The following LIPA variants were observed in gnomAD, a reference collection of about 807,000 sequenced individuals.
LIPA encodes lipase A, lysosomal acid type, also known as lysosomal acid lipase/cholesteryl ester hydrolase.
In LIPA, 26 loss-of-function variants were observed where a neutral mutation model predicts 40.6. The observed-to-expected ratio is 0.64, with a 90% CI of 0.47 to 0.89. The LOEUF is 0.89. LIPA is among the 40% of genes least tolerant of loss of function. LIPA has a pLI of 0.00. For synonymous variants in LIPA, 188 were observed against 168.4 expected (o/e 1.12, Z -0.90); for missense variants, 455 against 479.6 (o/e 0.95, Z 0.48).
intron 2 of LIPA, among the ~76,000 whole-genome samples, chr10:89,376,659 C>T (rs1844124132): frequency 6.6e-6 from 1 of 152,166 alleles, no homozygotes; most frequent in Non-Finnish European, 1.5e-5. Flanking sequence ...GAATATTTTC[C>T]AACTGGATTC....
intron 1 of LIPA, among the ~76,000 whole-genome samples, chr10:89,285,493 T>C (rs934998970): frequency 2.0e-5 from 3 of 152,222 alleles, no homozygotes; most frequent in Admixed American, 1.3e-4. Flanking sequence ...ACTGCAGAGA[T>C]GCCTGCCTGA....
chr10:89,392,438 C>G, intron 2 of LIPA: 1 of 461,406 alleles, frequency 2.2e-6, no homozygotes, highest in East Asian at 3.9e-5. Context: ...TGCAGTTTAT[C>G]TGTTTTAAAA....
In LIPA at chr10:89,329,837, T is replaced by C. The variant is rs533564131; in HGVS notation, c.-2+12774A>G. On this transcript the variant is annotated intron_variant, in intron 1 of 5. Transcript: ENST00000282673. ...GAGCAACAAGGCTGTTTATTTCACC[T>C]GGGTGCAGGTGGGCTGAGTCCGAAA... Among the ~76,000 whole-genome samples, 3 of 152,182 alleles carry C rather than the reference T, an allele frequency of 2.0e-5. No homozygotes were observed. The South Asian group carries it at 6.2e-4, about 32-fold the overall frequency.
chr10:89,321,294 G>T (rs553541811), intron 1 of LIPA, among the ~76,000 whole-genome samples: 4 of 152,194 alleles, frequency 2.6e-5, no homozygotes, highest in Non-Finnish European at 4.4e-5. Flanking sequence ...CTACAGAGTG[G>T]GAGAAAATTT....
intron 3 of LIPA, among the ~76,000 whole-genome samples, chr10:89,230,368 G>A (rs181147013): frequency 1.8e-4 from 28 of 152,236 alleles, no homozygotes; most frequent in African/African-American, 5.8e-4. Flanking sequence ...GTGCAGTGGC[G>A]TGATCTCTGC....
chr10:89,338,691 CCT>C, intron 1 of LIPA: 15 of 1,613,154 alleles, frequency 9.3e-6, no homozygotes, highest in Non-Finnish European at 1.3e-5. Context: ...TGGAGAAAAT[CCT>C]TCCACAGCTG....
intron 1 of LIPA, among the ~76,000 whole-genome samples, chr10:89,337,959 T>C (rs1433294822): frequency 2.0e-5 from 3 of 152,234 alleles, no homozygotes; most frequent in African/African-American, 7.2e-5. Flanking sequence ...TTACATGAGA[T>C]ACTCAACACT....
Position 89,215,091 on chromosome 10 carries a change from CGTT to C in LIPA, c.967-33_967-31del, listed in dbSNP as rs541918885. ...AATGAAAAGGAACCAGAGAAAGCCT[CGTT>C]GTTGTTGTTGTTTTAATTTTCAAAA... On this transcript the variant is annotated intron_variant, in intron 9 of 9. Transcript: ENST00000336233. The C allele has an allele frequency of 5.2e-4, 773 of 1,493,370 alleles. 8 individuals carry two copies. The African/African-American group carries it at 9.2e-3, about 18-fold the overall frequency. The allele number at this position is 1,493,370 out of a possible 1,614,324, so 92.5% of individuals were successfully genotyped here.
intron 3 of LIPA, among the ~76,000 whole-genome samples, chr10:89,233,646 TC>T (rs371775848): frequency 7.2e-5 from 11 of 152,314 alleles, no homozygotes; most frequent in African/African-American, 2.6e-4. Flanking sequence ...ACGCCTGTAA[TC>T]CCAGCATTTT....
chr10:89,249,307 G>A (rs1258018105), intron 1 of LIPA, among the ~76,000 whole-genome samples: 1 of 152,210 alleles, frequency 6.6e-6, no homozygotes, highest in East Asian at 1.9e-4. Flanking sequence ...TGAGGATGCT[G>A]AAGGCAAAGT....
intron 1 of LIPA, among the ~76,000 whole-genome samples, chr10:89,280,757 C>T (rs1481466325): frequency 6.6e-6 from 1 of 152,218 alleles, no homozygotes; most frequent in African/African-American, 2.4e-5. Context: ...TGCCTTCTTC[C>T]TCGTTATTAT....
chr10:89,302,032 C>A, intron 1 of LIPA: 2 of 1,484,774 alleles, frequency 1.3e-6, no homozygotes, highest in Non-Finnish European at 1.9e-6. Flanking sequence ...TAGGTCTCTT[C>A]AGCATTTATT....
At chr10:89,239,806 G>A (rs1220432228) in intron 3 of LIPA, among the ~76,000 whole-genome samples, 3 of 152,142 alleles carry the variant, frequency 2.0e-5, no homozygotes, top group African/African-American at 7.2e-5. Flanking sequence ...GGCCTCTGAG[G>A]CTTAGAGAGA....
intron 1 of LIPA, chr10:89,307,107 A>G: frequency 6.2e-7 from 1 of 1,614,108 alleles, no homozygotes; most frequent in South Asian, 1.1e-5. Flanking sequence ...CAGCTGTACC[A>G]AATGAAGTGT....
In LIPA at chr10:89,225,132, G is replaced by A; in HGVS notation, c.635C>T (p.Pro212Leu). Residue 212 changes from proline to leucine, a missense_variant, in exon 6 of 10, where the codon CCT (proline) becomes CTT (leucine). By Grantham distance (98) the Pro-to-Leu change is moderately conservative. Coordinates refer to ENST00000336233, the MANE Select transcript of LIPA (RefSeq NM_000235.4). Reference sequence around the variant, plus strand: ...TGGTAATCGTCCTAATTTGGCCATAGGGCTAGTACAGAAGGCGACGGAAGC... The same window carrying A: ...TGGTAATCGTCCTAATTTGGCCATAAGGCTAGTACAGAAGGCGACGGAAGC... ...PVASVAFCTSPMAKLGRLPDH... is the reference protein window; with the variant it reads ...PVASVAFCTSLMAKLGRLPDH... 1 of 1,614,170 alleles carries A rather than the reference G, an allele frequency of 6.2e-7. No homozygotes were observed. Among genetic ancestry groups the A allele is most frequent in the Non-Finnish European group, 8.5e-7 (1 of 1,180,022 alleles).
chr10:89,283,338 C>G (rs772654144), intron 1 of LIPA, among the ~76,000 whole-genome samples: 1 of 152,208 alleles, frequency 6.6e-6, no homozygotes, highest in Non-Finnish European at 1.5e-5. Context: ...ACCGGAGTCT[C>G]TCTGAGGCCA....
intron 1 of LIPA, among the ~76,000 whole-genome samples, chr10:89,301,703 A>C (rs1264532530): frequency 1.3e-5 from 2 of 152,236 alleles, no homozygotes; most frequent in South Asian, 4.1e-4. Flanking sequence ...TCTGCTGAAA[A>C]GAACCCTTTT....
chr10:89,306,864 A>G (rs770191578), intron 1 of LIPA: 1 of 1,614,096 alleles, frequency 6.2e-7, no homozygotes, highest in Non-Finnish European at 8.5e-7. Context: ...AATCTAAGAG[A>G]GAATGGAATG....
chr10:89,368,427 A>C (rs1844073343), intron 2 of LIPA, among the ~76,000 whole-genome samples: 2 of 152,176 alleles, frequency 1.3e-5, no homozygotes, highest in Non-Finnish European at 2.9e-5. Flanking sequence ...CAGCTGTCTC[A>C]AGCATTCCAA....
Sources: allele counts gnomAD v4.1 joint callset (sites outside exome capture counted in the v4.1 genomes callset), GRCh38; gene constraint gnomAD v4.1.1; transcripts MANE v1.5; gene names NCBI Gene and HGNC (gene_info 2026-07-23, HGNC 2026-07-21).